The following PDE3A variants were observed in gnomAD, a reference collection of about 807,000 sequenced individuals.
PDE3A encodes cGMP-inhibited 3',5'-cyclic phosphodiesterase 3A.
A neutral mutation model predicts 98.3 loss-of-function variants in PDE3A; 43 were observed. The ratio of observed to expected loss-of-function variants is 0.44; its 90% CI spans 0.34 to 0.56. The LOEUF is 0.56. PDE3A is among the 20% of genes least tolerant of loss of function. The pLI is 0.01. For synonymous variants in PDE3A, 663 were observed against 567.9 expected (o/e 1.17, Z -2.38); for missense variants, 1,427 against 1,440.7 (o/e 0.99, Z 0.15).
Position 20,552,887 on chromosome 12 carries a change from G to C in PDE3A, c.961-3773G>C. 6.2e-7 allele frequency: 1 copy of C among 1,612,130 alleles called. No homozygotes were observed. The highest frequency in any genetic ancestry group is 8.5e-7 in the Non-Finnish European group (1 of 1,179,062). On this transcript the variant is annotated intron_variant, in intron 1 of 15. Transcript: ENST00000359062. This position sits in a 1 kb window ranked among gnomAD's most constrained non-coding sequence, Gnocchi z 5.1. ...AAGGACTGCCTGGACAGATCCTTTC[G>C]GGCACAGGTGTTCAGCTGCCCTGCC...
At chr12:20,555,190 A>G (rs1565587652) in intron 1 of PDE3A, among the ~76,000 whole-genome samples, 1 of 151,998 alleles carries the variant, frequency 6.6e-6, no homozygotes, top group Non-Finnish European at 1.5e-5. Flanking sequence ...CGCCTGGCTA[A>G]TTTTTGTACT....
intron 1 of PDE3A, among the ~76,000 whole-genome samples, chr12:20,500,038 C>G (rs934661826): frequency 2.0e-5 from 3 of 152,180 alleles, no homozygotes; most frequent in African/African-American, 7.2e-5. Flanking sequence ...TACACTGTAT[C>G]TCCTTCACTG....
chr12:20,536,360 G>A (rs1941747845), intron 1 of PDE3A, among the ~76,000 whole-genome samples: 1 of 145,546 alleles, frequency 6.9e-6, no homozygotes, highest in Non-Finnish European at 1.5e-5. Flanking sequence ...GTGTGTGTGT[G>A]CATAGAGGTA....
chr12:20,661,018 T>C (rs1296894130), intron 15 of PDE3A, among the ~76,000 whole-genome samples: 2 of 152,170 alleles, frequency 1.3e-5, no homozygotes, highest in African/African-American at 4.8e-5. Context: ...TTCTAGAGAC[T>C]TGTTGAATGG....
At chr12:20,371,263 C>T in intron 1 of PDE3A, 1 of 566,770 alleles carries the variant, frequency 1.8e-6, no homozygotes, top group Non-Finnish European at 2.2e-6. Context: ...ATTTTAAATG[C>T]ATACGGTGTC....
At chr12:20,599,048 C>T (rs1268151923) in intron 2 of PDE3A, among the ~76,000 whole-genome samples, 4 of 152,314 alleles carry the variant, frequency 2.6e-5, no homozygotes, top group African/African-American at 9.6e-5. Context: ...CATTATTGGG[C>T]ATCTGAAATC....
rs769414062 is a variant in PDE3A, at chr12:20,369,995, A to G, written c.711A>G (p.Arg237=). 4 of 1,612,708 alleles carry G rather than the reference A, an allele frequency of 2.5e-6. No homozygotes were observed. The East Asian group carries it at 6.7e-5, about 27-fold the overall frequency. The change falls in exon 1 of 16, where the codon AGA becomes AGG. Residue 237 remains arginine, a synonymous_variant. Coordinates refer to ENST00000359062, the MANE Select transcript of PDE3A (RefSeq NM_000921.5). ...ISLERFKVAW[R]PYLAYLAGVL... ...TAGAGAGGTTCAAGGTCGCCTGGAGACCTTACCTGGCGTACCTGGCCGGCG... is the reference window on the plus strand; with the variant it reads ...TAGAGAGGTTCAAGGTCGCCTGGAGGCCTTACCTGGCGTACCTGGCCGGCG...
chr12:20,541,937 C>A (rs1050763690), intron 1 of PDE3A, among the ~76,000 whole-genome samples: 1 of 152,030 alleles, frequency 6.6e-6, no homozygotes, highest in Non-Finnish European at 1.5e-5. Context: ...ATGCACATGT[C>A]TTGTTAAAAT....
intron 1 of PDE3A, among the ~76,000 whole-genome samples, chr12:20,402,213 G>A (rs1462839510): frequency 4.0e-5 from 6 of 151,836 alleles, no homozygotes; most frequent in Non-Finnish European, 7.4e-5. Flanking sequence ...GCAGTGGCAC[G>A]ACCTTGGCTC....
At chr12:20,590,948 G>A (rs1045709512) in intron 2 of PDE3A, among the ~76,000 whole-genome samples, 1 of 152,170 alleles carries the variant, frequency 6.6e-6, no homozygotes, top group Admixed American at 6.5e-5. Flanking sequence ...CTAGCTCCCT[G>A]TCCACTTCGA....
intron 1 of PDE3A, among the ~76,000 whole-genome samples, chr12:20,472,223 TA>T (rs1319406162): frequency 1.3e-5 from 2 of 152,188 alleles, no homozygotes; most frequent in African/African-American, 4.8e-5. Context: ...AGGAAGGGAT[TA>T]CTCAGTTGTT....
chr12:20,528,022 G>A (rs568849573), intron 1 of PDE3A, among the ~76,000 whole-genome samples: 2 of 152,224 alleles, frequency 1.3e-5, no homozygotes, highest in African/African-American at 4.8e-5. Context: ...TGAAAGTGAG[G>A]GAGTTTGTAA....
At position 20,665,894 on chromosome 12, in the gene PDE3A, C is replaced by T. The variant is rs564087845; in HGVS notation, c.3184+11689C>T. On this transcript the variant is annotated intron_variant, in intron 15 of 15. Coordinates refer to ENST00000359062, the MANE Select transcript of PDE3A (RefSeq NM_000921.5). ...GGGGCACATGATATTTTGCTACATT[C>T]ATCAAATGTGTAATGATTAAATCAG... 1.8e-4 allele frequency among the ~76,000 whole-genome samples: 27 copies of T among 150,638 alleles called. 1 individual carries two copies. The South Asian group carries it at 5.5e-3, about 30-fold the overall frequency.
intron 1 of PDE3A, among the ~76,000 whole-genome samples, chr12:20,443,109 C>G (rs1304305578): frequency 5.3e-5 from 8 of 151,770 alleles, no homozygotes; most frequent in African/African-American, 1.9e-4. Flanking sequence ...TATACATATA[C>G]AAATGTAAAT....
chr12:20,569,471 C>A (rs184547077), intron 2 of PDE3A, among the ~76,000 whole-genome samples: 2 of 151,944 alleles, frequency 1.3e-5, no homozygotes, highest in African/African-American at 4.8e-5. Context: ...GTGTCCTGTT[C>A]GCAGCAGAAT....
chr12:20,509,526 T>A (rs1311858819), intron 1 of PDE3A, among the ~76,000 whole-genome samples: 5 of 151,948 alleles, frequency 3.3e-5, no homozygotes, highest in Non-Finnish European at 7.4e-5. Flanking sequence ...ATTTTTAAAG[T>A]TTTTTTTCAG....
At chr12:20,512,590 G>T (rs748356066) in intron 1 of PDE3A, among the ~76,000 whole-genome samples, 65 of 152,028 alleles carry the variant, frequency 4.3e-4, no homozygotes, top group Non-Finnish European at 8.4e-4. Context: ...TCCCAGAAAG[G>T]TTCTATGTGC....
At chr12:20,417,779 T>A (rs568356273) in intron 1 of PDE3A, among the ~76,000 whole-genome samples, 2 of 152,370 alleles carry the variant, frequency 1.3e-5, no homozygotes, top group African/African-American at 4.8e-5. Context: ...CAGGTATTTG[T>A]TGAGTACTTA....
At chr12:20,567,357 CTTTTG>C (rs984933643) in intron 2 of PDE3A, among the ~76,000 whole-genome samples, 15 of 151,850 alleles carry the variant, frequency 9.9e-5, no homozygotes, top group Admixed American at 9.2e-4. Flanking sequence ...GCCAAGAAGC[CTTTTG>C]TTTTATTTAT....
Sources: allele counts gnomAD v4.1 joint callset (sites outside exome capture counted in the v4.1 genomes callset), GRCh38; gene constraint gnomAD v4.1.1; non-coding constraint Gnocchi (gnomAD v3.1); transcripts MANE v1.5; gene names NCBI Gene and HGNC (gene_info 2026-07-23, HGNC 2026-07-21).